MYT1: variants seen among roughly 807,000 people sequenced by gnomAD.
MYT1 encodes the protein myelin transcription factor I.
MYT1 carries 23 observed loss-of-function variants against 123.0 expected under a neutral mutation model. The observed-to-expected ratio is 0.19, with a 90% CI of 0.13 to 0.26. The LOEUF (loss-of-function observed/expected upper bound fraction) is 0.26. MYT1 is among the 10% of genes least tolerant of loss of function. The probability of loss-of-function intolerance (pLI) is 1.00; values close to 1 mark genes in which losing one functional copy is unlikely to be tolerated. For synonymous variants in MYT1, 518 were observed against 575.3 expected, an observed-to-expected ratio of 0.90 and a Z score of 1.43; for missense variants, 1,125 against 1,472.5, an observed-to-expected ratio of 0.76 and a Z score of 3.86.
chr20:64,237,565 C>T (rs1462367454), intron 21 of MYT1, among the ~76,000 whole-genome samples, 175 bp downstream of exon 21: 3 of 152,240 alleles, frequency 2.0e-5, no homozygotes, highest in African/African-American at 4.8e-5. Flanking sequence ...GCTCACAATG[C>T]GGAGTCCGTG....
At chr20:64,184,317 TGA>T (rs1008591334) in intron 1 of MYT1, among the ~76,000 whole-genome samples, 11 of 152,096 alleles carry the variant, frequency 7.2e-5, no homozygotes, top group African/African-American at 2.4e-4. Flanking sequence ...AGCTAATTTT[TGA>T]GAGAGGTCCA....
chr20:64,179,990 A>G (rs1982594461), intron 1 of MYT1, among the ~76,000 whole-genome samples: 1 of 151,582 alleles, frequency 6.6e-6, no homozygotes, highest in African/African-American at 2.4e-5. Context: ...ACACACAGTT[A>G]CACACATACG....
chr20:64,239,692 C>T, intron 21 of MYT1, 68 bp from the exon 22 acceptor site: 5 of 1,600,612 alleles, frequency 3.1e-6, no homozygotes, highest in Non-Finnish European at 4.3e-6. Flanking sequence ...TGAGAGGCAG[C>T]CCAGAGAGGA....
chr20:64,205,213 GACCCT>G, intron 5 of MYT1, 116 bp downstream of exon 5: 1 of 1,275,672 alleles, frequency 7.8e-7, no homozygotes, highest in Non-Finnish European at 1.1e-6. Context: ...CCAGGCTGCT[GACCCT>G]TCTGCGAGGC....
At position 64,164,537 on chromosome 20, in the gene MYT1, T is replaced by C. The variant is rs1421949049; in HGVS notation, c.-301T>C. 1 of 152,200 alleles carries C rather than the reference T, an allele frequency of 6.6e-6. No homozygotes were observed. Among genetic ancestry groups the C allele is most frequent in the Non-Finnish European group, 1.5e-5 (1 of 68,044 alleles). The allele number at this position is 152,200 out of a possible 1,614,324, so 9.4% of individuals were successfully genotyped here. A position where few individuals can be genotyped will look rare whatever the true frequency, so the allele number is the denominator to read the frequency against. Reference sequence around the variant, plus strand: ...CATTAAGTAAATGAGACGTCGCCTTTAGCTGGCTTAGGAGTTCGCACACTA... The same window carrying C: ...CATTAAGTAAATGAGACGTCGCCTTCAGCTGGCTTAGGAGTTCGCACACTA... On this transcript the variant is annotated 5_prime_UTR_variant, in exon 1 of 23. It removes the in-frame stop codon of an upstream open reading frame in the 5' UTR. Coordinates refer to ENST00000328439, the MANE Select transcript of MYT1 (RefSeq NM_004535.3).
intron 17 of MYT1, among the ~76,000 whole-genome samples, 198 bp from the exon 18 acceptor site, chr20:64,227,690 T>TTC (rs1186734032): frequency 1.3e-5 from 2 of 152,212 alleles, no homozygotes; most frequent in Non-Finnish European, 2.9e-5. Flanking sequence ...GTGGTAATGC[T>TTC]TCTCCTTCCC....
chr20:64,223,340 G>A lies in MYT1; in HGVS notation c.2509G>A (p.Ala837Thr). 1.2e-6 allele frequency: 2 copies of A among 1,614,086 alleles called. No individual in the cohort carries two copies. Among genetic ancestry groups the A allele is most frequent in the Non-Finnish European group, 1.7e-6 (2 of 1,180,004 alleles). Residue 837 changes from alanine (A) to threonine (T), a missense_variant, in exon 16 of 23, where the codon GCC (alanine) becomes ACC (threonine). Transcript: ENST00000328439. ...ADKSLRNLMA[A>T]HSADLKCPTP... Reference sequence around the variant, plus strand: ...CAAGAGCCTCAGAAACCTCATGGCTGCCCACTCTGCTGACCTCAAGTATGT... The same window carrying A: ...CAAGAGCCTCAGAAACCTCATGGCTACCCACTCTGCTGACCTCAAGTATGT...
chr20:64,236,356 A>G (rs868500499), intron 19 of MYT1, among the ~76,000 whole-genome samples, 199 bp from the exon 20 acceptor site: 2 of 51,332 alleles, frequency 3.9e-5, no homozygotes, highest in African/African-American at 8.5e-5. Context: ...TGACCCTGGG[A>G]TGGCCGCGGT....
chr20:64,195,134 G>A (rs369184614), intron 2 of MYT1, among the ~76,000 whole-genome samples: 43 of 152,212 alleles, frequency 2.8e-4, no homozygotes, highest in African/African-American at 7.2e-4. Flanking sequence ...GATTACAGGC[G>A]TGAGCCACCA....
In MYT1 at chr20:64,219,050, C is replaced by T; in HGVS notation, c.1971+15C>T. ...TCCCCAGCAAGGTTAGTACATCTGC[C>T]ACAGAGCCTTTCTTGGGAGAGGTGA... On this transcript the variant is annotated intron_variant, in intron 12 of 22. Coordinates refer to ENST00000328439, the MANE Select transcript of MYT1 (RefSeq NM_004535.3). 6.2e-7 allele frequency: 1 copy of T among 1,603,186 alleles called. No individual in the cohort carries two copies. Among genetic ancestry groups the T allele is most frequent in the Non-Finnish European group, 8.5e-7 (1 of 1,173,034 alleles).
intron 2 of MYT1, among the ~76,000 whole-genome samples, chr20:64,195,381 TG>T (rs1983083024): frequency 9.6e-6 from 1 of 104,490 alleles, no homozygotes. Context: ...TGTGTGTGTG[TG>T]TGTGTGTGTG....
intron 2 of MYT1, among the ~76,000 whole-genome samples, chr20:64,198,286 CAAAAA>C (rs34822167): frequency 4.9e-3 from 116 of 23,806 alleles, no homozygotes; most frequent in African/African-American, 0.012. Flanking sequence ...GACTCCGTCT[CAAAAA>C]AAAAAAAAAA....
Position 64,213,624 on chromosome 20 carries a change from C to A in MYT1, c.1608C>A (p.Ser536Arg). Residue 536 changes from serine (S) to arginine (R), a missense_variant, in exon 10 of 23, where the codon AGC becomes AGA. Ser to Arg is a moderately radical substitution (Grantham distance 110). Around this residue, in one of 4 missense-constraint regions of MYT1, gnomAD observed 429 missense variants for 604.1 expected, o/e 0.71. Transcript: ENST00000328439. The surrounding 1 kb of genome is among the most constrained non-coding windows in gnomAD (Gnocchi z 5.6). ...AGACAGGAGATCCTTCCAAGAGTAG[C>A]TCCAATTCCGATCGGATCCTCAGGT... The part of the protein sequence containing the change: ...QPQTGDPSKS[S>R]SNSDRILRPM... 1 of 1,614,100 alleles carries A rather than the reference C, an allele frequency of 6.2e-7. No homozygotes were observed. The highest frequency in any genetic ancestry group is 2.2e-5 in the East Asian group (1 of 44,884).
Position 64,213,704 on chromosome 20 carries a change from C to T in MYT1, c.1631+57C>T. ...CTGCCTCCCAAATGCCTGCAGAGGG[C>T]TTCTCAGTCTCCCGCAGGCTGTATG... On this transcript the variant is annotated intron_variant, in intron 10 of 22. Transcript: ENST00000328439. This position sits in a 1 kb window ranked among gnomAD's most constrained non-coding sequence, Gnocchi z 5.6. The T allele has an allele frequency of 7.1e-7, 1 of 1,413,212 alleles. No individual in the cohort carries two copies. Among genetic ancestry groups the T allele is most frequent in the Non-Finnish European group, 1.0e-6 (1 of 1,002,652 alleles). The allele number at this position is 1,413,212 out of a possible 1,614,324, so 87.5% of individuals were successfully genotyped here.
At chr20:64,174,091 ATCTTTCCT>A (rs1982385452) in intron 1 of MYT1, among the ~76,000 whole-genome samples, 1 of 3,210 alleles carries the variant, frequency 3.1e-4, no homozygotes, top group Admixed American at 4.3e-3. Context: ...CTCCTGTAGC[ATCTTTCCT>A]AGTTGTGTCC....
At position 64,166,408 on chromosome 20, in the gene MYT1, C is replaced by T. The variant is rs1279121103; in HGVS notation, c.-99+1669C>T. Among the ~76,000 whole-genome samples, 2 of 152,150 alleles carry T rather than the reference C, an allele frequency of 1.3e-5. No homozygotes were observed. Among genetic ancestry groups the T allele is most frequent in the African/African-American group, 4.8e-5 (2 of 41,434 alleles). On this transcript the variant is annotated intron_variant, in intron 1 of 22. Coordinates refer to ENST00000328439, the MANE Select transcript of MYT1 (RefSeq NM_004535.3). This position sits in a 1 kb window ranked among gnomAD's most constrained non-coding sequence, Gnocchi z 4.9. ...GGGCACCTGGACGTTTGCCGAACTT[C>T]CCAGGGGTACTTGCTGATCCAGGAG...
Position 64,212,163 on chromosome 20 carries a change from GTGGGGGCC to G in MYT1, c.1517+26_1517+33del. 1 of 1,410,102 alleles carries G rather than the reference GTGGGGGCC, an allele frequency of 7.1e-7. No homozygotes were observed. The highest frequency in any genetic ancestry group is 9.4e-7 in the Non-Finnish European group (1 of 1,060,622). 87.3% of individuals were successfully genotyped at this position (1,410,102 alleles called of 1,614,324 possible). ...GGTACTTGGACTGAGCTGGGCCGTA[GTGGGGGCC>G]AGGGTGGGGGCCGTGGTGGGGGCCA... On this transcript the variant is annotated intron_variant, in intron 9 of 22. Coordinates refer to ENST00000328439, the MANE Select transcript of MYT1 (RefSeq NM_004535.3). This position sits in a 1 kb window ranked among gnomAD's most constrained non-coding sequence, Gnocchi z 6.8.
At chr20:64,221,833 G>T (rs939194194) in intron 13 of MYT1, 60 bp from the exon 14 acceptor site, 5 of 1,585,564 alleles carry the variant, frequency 3.2e-6, no homozygotes, top group Non-Finnish European at 4.3e-6. Context: ...CGCCCACTGG[G>T]TTGGGCGCCC....
intron 13 of MYT1, 94 bp from the exon 14 acceptor site, chr20:64,221,799 C>T: frequency 1.5e-6 from 2 of 1,316,838 alleles, no homozygotes; most frequent in Admixed American, 2.2e-5. Context: ...TCTGTGGACA[C>T]TGTCCTGAAG....
Sources: gnomAD v4.1 joint callset for allele counts (sites outside exome capture counted in the v4.1 genomes callset) on GRCh38, gnomAD v4.1.1 for gene constraint, gnomAD v4.1.1 regional missense constraint, Gnocchi (gnomAD v3.1) non-coding constraint, MANE v1.5 for transcripts, NCBI Gene and HGNC (gene_info 2026-07-23, HGNC 2026-07-21) for gene names.